Variants in HAT1 observed in about 807,000 individuals in gnomAD.
The protein encoded by HAT1 is histone acetyltransferase 1, also known as histone acetyltransferase type B catalytic subunit.
Under a neutral mutation model 56.6 loss-of-function variants are expected in HAT1, and 20 were observed. That is an observed-to-expected ratio of 0.35 (90% CI 0.25 to 0.51). The LOEUF (loss-of-function observed/expected upper bound fraction) is 0.51, where lower values mean the gene tolerates loss of function less well. Ranked by LOEUF, HAT1 falls within the 20% of genes least tolerant of loss-of-function variation. The pLI is 0.95. For missense variants in HAT1, 408 were observed against 504.3 expected (o/e 0.81, Z 1.83); for synonymous variants, 146 against 165.5 (o/e 0.88, Z 0.91).
chr2:171,970,139 G>C (rs1687778108), intron 8 of HAT1, among the ~76,000 whole-genome samples: 1 of 152,118 alleles, frequency 6.6e-6, no homozygotes, highest in African/African-American at 2.4e-5. Context: ...CAGCTAGGGG[G>C]ACAGAGCGAG....
intron 8 of HAT1, among the ~76,000 whole-genome samples, chr2:171,971,826 G>A (rs987708207): frequency 4.6e-5 from 7 of 152,166 alleles, no homozygotes; most frequent in African/African-American, 1.2e-4. Context: ...TGAAATGCTC[G>A]ATGGTGTAGG....
chr2:171,969,814 A>T (rs1256235911), intron 8 of HAT1, among the ~76,000 whole-genome samples: 1 of 152,138 alleles, frequency 6.6e-6, no homozygotes, highest in Non-Finnish European at 1.5e-5. Flanking sequence ...TCATTTTCCT[A>T]TGATACCTAT....
At chr2:171,946,853 T>C (rs1687179426) in intron 3 of HAT1, 70 bp downstream of exon 3, 1 of 701,190 alleles carries the variant, frequency 1.4e-6, no homozygotes, top group African/African-American at 1.9e-5. Flanking sequence ...TTCTTTTAGA[T>C]TTAGAAATCA....
At chr2:171,958,634 G>T (rs1367749220) in intron 4 of HAT1, among the ~76,000 whole-genome samples, 1 of 152,018 alleles carries the variant, frequency 6.6e-6, no homozygotes, top group African/African-American at 2.4e-5. Flanking sequence ...TGCTATCATT[G>T]TAAGGAGCTT....
chr2:171,981,268 A>C (rs1190074579), intron 10 of HAT1, among the ~76,000 whole-genome samples: 1 of 152,208 alleles, frequency 6.6e-6, no homozygotes, highest in Non-Finnish European at 1.5e-5. Flanking sequence ...ACAGTTGCTC[A>C]ATGATAAAAT....
chr2:171,927,587 T>C (rs1005806041), intron 2 of HAT1, among the ~76,000 whole-genome samples: 2 of 152,146 alleles, frequency 1.3e-5, no homozygotes, highest in South Asian at 2.1e-4. Flanking sequence ...TAGTAGGAAA[T>C]GTTATTTTAT....
intron 4 of HAT1, among the ~76,000 whole-genome samples, chr2:171,962,418 G>A (rs899682228): frequency 5.3e-5 from 8 of 151,980 alleles, no homozygotes; most frequent in Non-Finnish European, 1.0e-4. Flanking sequence ...TTTTTGAGAC[G>A]GAGTCTCACC....
chr2:171,948,845 A>G (rs185101374), intron 3 of HAT1, among the ~76,000 whole-genome samples: 319 of 152,332 alleles, frequency 2.1e-3, no homozygotes, highest in Middle Eastern at 6.8e-3. Context: ...TCCTCAGTGT[A>G]TCACATCAGG....
At chr2:171,974,104 A>G (rs766843963) in intron 8 of HAT1, among the ~76,000 whole-genome samples, 1 of 139,344 alleles carries the variant, frequency 7.2e-6, no homozygotes, top group African/African-American at 2.7e-5. Flanking sequence ...ACTGGAGCCC[A>G]GGAGGTTGAG....
At position 171,983,377 on chromosome 2, in the gene HAT1, G is replaced by T. The variant is rs751332502; in HGVS notation, c.*25G>T. The T allele has an allele frequency of 2.9e-6, 4 of 1,387,974 alleles. No individual in the cohort carries two copies. The African/African-American group carries it at 5.8e-5, about 20-fold the overall frequency. The allele number at this position is 1,387,974 out of a possible 1,614,324, so 86.0% of individuals were successfully genotyped here. On this transcript the variant is annotated 3_prime_UTR_variant, in exon 11 of 11. Transcript: ENST00000264108. Reference sequence around the variant, plus strand: ...AAGATTATACTGCTCTGTACAGGAAGCTTGCAAATTTTCTGTACAATGTGC... The same window carrying T: ...AAGATTATACTGCTCTGTACAGGAATCTTGCAAATTTTCTGTACAATGTGC...
intron 1 of HAT1, 132 bp from the exon 2 acceptor site, chr2:171,925,405 G>A (rs1287910858): frequency 1.2e-5 from 7 of 571,104 alleles, no homozygotes; most frequent in Non-Finnish European, 2.2e-5. Flanking sequence ...AGTATGTGGA[G>A]AATGACTTGT....
chr2:171,937,198 A>T (rs1312346416), intron 2 of HAT1, among the ~76,000 whole-genome samples: 1 of 152,176 alleles, frequency 6.6e-6, no homozygotes, highest in Admixed American at 6.5e-5. Flanking sequence ...TTTATTAAAC[A>T]AGCTTTAAAA....
chr2:171,978,708 C>T (rs932043577), intron 9 of HAT1, among the ~76,000 whole-genome samples: 3 of 152,154 alleles, frequency 2.0e-5, no homozygotes, highest in Admixed American at 2.0e-4. Context: ...CTATGCACTT[C>T]TTTTTGCTAC....
intron 2 of HAT1, among the ~76,000 whole-genome samples, chr2:171,928,996 A>G (rs1447264419): frequency 6.6e-6 from 1 of 152,038 alleles, no homozygotes; most frequent in Non-Finnish European, 1.5e-5. Context: ...TGTATGTTTA[A>G]CTTTATGGGA....
At position 171,967,073 on chromosome 2, in the gene HAT1, C is replaced by G. The variant is rs567310478; in HGVS notation, c.823+124C>G. The G allele has an allele frequency of 1.8e-4, 107 of 583,926 alleles. 1 individual carries two copies. The South Asian group carries it at 2.4e-3, about 13-fold the overall frequency. 36.2% of individuals were successfully genotyped at this position (583,926 alleles called of 1,614,324 possible). On this transcript the variant is annotated intron_variant, in intron 8 of 10. Transcript: ENST00000264108. ...CATTTTCCTAGGGTGTTTAAGCCAT[C>G]TAAAGATGGCTTAAGTTTATGTTTT...
chr2:171,924,210 ATT>A (rs1227238079), intron 1 of HAT1: 5 of 135,776 alleles, frequency 3.7e-5, no homozygotes, highest in African/African-American at 5.4e-5. Context: ...ATTTTTACTG[ATT>A]TTTTTTTTTT....
intron 6 of HAT1, 75 bp from the exon 7 acceptor site, chr2:171,966,334 G>A: frequency 2.5e-6 from 2 of 811,380 alleles, no homozygotes; most frequent in South Asian, 2.7e-5. Context: ...TTCAGTCAGA[G>A]AATGGAAAAG....
At position 171,966,915 on chromosome 2, in the gene HAT1, C is replaced by A. The variant is rs1411114447; in HGVS notation, c.789C>A (p.Tyr263Ter). 6.4e-7 allele frequency: 1 copy of A among 1,570,470 alleles called. No homozygotes were observed. The highest frequency in any genetic ancestry group is 1.7e-5 in the Admixed American group (1 of 59,522). Residue 263 changes from tyrosine (Y) to a stop codon, truncating the protein, a stop_gained, in exon 8 of 11, where the codon TAC becomes TAA. Transcript: ENST00000264108. LOFTEE classifies it high-confidence loss of function. Reference sequence around the variant, plus strand: ...AACTTCTTGAAACAGTTCATAGATACTACACTGAATTTCCTACAGTTCTTG... The same window carrying A: ...AACTTCTTGAAACAGTTCATAGATAATACACTGAATTTCCTACAGTTCTTG... ...GAQLLETVHR[Y>*]YTEFPTVLDI...
intron 8 of HAT1, among the ~76,000 whole-genome samples, chr2:171,974,803 C>T (rs902602116): frequency 6.6e-6 from 1 of 152,158 alleles, no homozygotes; most frequent in Non-Finnish European, 1.5e-5. Flanking sequence ...TGGATTTTGT[C>T]AAACGCTTTG....
Sources: gnomAD v4.1 joint callset for allele counts (sites outside exome capture counted in the v4.1 genomes callset) on GRCh38, gnomAD v4.1.1 for gene constraint, MANE v1.5 for transcripts, NCBI Gene and HGNC (gene_info 2026-07-23, HGNC 2026-07-21) for gene names.